Variants in SMAD6 observed in about 807,000 individuals in gnomAD.
SMAD6 encodes MAD homolog 6.
Under a neutral mutation model 39.4 loss-of-function variants are expected in SMAD6, and 103 were observed. The observed-to-expected ratio is 2.62, with a 90% CI of 2.23 to 3.08. The LOEUF (loss-of-function observed/expected upper bound fraction) is 3.08, where lower values mean the gene tolerates loss of function less well. SMAD6 is among the 30% of genes most tolerant of loss of function. The pLI, the probability that SMAD6 is intolerant of heterozygous loss-of-function variation, is 0.00. For missense variants in SMAD6, 1,104 were observed against 742.9 expected, an observed-to-expected ratio of 1.49 and a Z score of -5.65; for synonymous variants, 445 against 353.3, an observed-to-expected ratio of 1.26 and a Z score of -2.91.
chr15:66,746,344 G>GTGGGACGTGTGGGC (rs2140641915), intron 3 of SMAD6, among the ~76,000 whole-genome samples: 1 of 152,306 alleles, frequency 6.6e-6, no homozygotes, highest in African/African-American at 2.4e-5. Flanking sequence ...TGTGGGGCAT[G>GTGGGACGTGTGGGC]TGGGACGTGT....
At chr15:66,744,060 G>T (rs2140639684) in intron 3 of SMAD6, among the ~76,000 whole-genome samples, 1 of 152,204 alleles carries the variant, frequency 6.6e-6, no homozygotes, top group Admixed American at 6.5e-5. Flanking sequence ...AAGTGGGATT[G>T]CCAGGTCAAA....
chr15:66,776,056 A>C (rs1363188820), intron 3 of SMAD6, among the ~76,000 whole-genome samples: 1 of 152,218 alleles, frequency 6.6e-6, no homozygotes, highest in African/African-American at 2.4e-5. Flanking sequence ...TGTGTGAGAG[A>C]ATGGAGCTAA....
chr15:66,723,495 T>A (rs1427767495), intron 3 of SMAD6, among the ~76,000 whole-genome samples: 3 of 152,022 alleles, frequency 2.0e-5, no homozygotes, highest in Non-Finnish European at 4.4e-5. Context: ...GGGGGCAACA[T>A]AGCAAGACCC....
intron 1 of SMAD6, among the ~76,000 whole-genome samples, chr15:66,709,820 A>T (rs1432352087): frequency 3.9e-5 from 6 of 152,150 alleles, no homozygotes; most frequent in African/African-American, 1.4e-4. Context: ...TTTCCTGTGG[A>T]ACTCCAGCCC....
intron 3 of SMAD6, among the ~76,000 whole-genome samples, chr15:66,738,652 C>T (rs1893757037): frequency 6.6e-6 from 1 of 152,156 alleles, no homozygotes; most frequent in Non-Finnish European, 1.5e-5. Flanking sequence ...ACCCAGGCTT[C>T]CAAATGTCTA....
In SMAD6 at chr15:66,752,003, T is replaced by C. The variant is rs148838690; in HGVS notation, c.953-28994T>C. 2.4e-3 allele frequency among the ~76,000 whole-genome samples: 359 copies of C among 151,508 alleles called. 3 individuals carry two copies. Among genetic ancestry groups the C allele is most frequent in the African/African-American group, 8.1e-3 (336 of 41,266 alleles). ...GTAAGGTATGTTTTATTATAGTTGC[T>C]TATAAACATAATAAAACCCCCTTCA... On this transcript the variant is annotated intron_variant, in intron 3 of 3. Coordinates refer to ENST00000288840, the MANE Select transcript of SMAD6 (RefSeq NM_005585.5).
At chr15:66,778,085 C>CTT (rs11462070) in intron 3 of SMAD6, among the ~76,000 whole-genome samples, 111 of 139,520 alleles carry the variant, frequency 8.0e-4, no homozygotes, top group East Asian at 1.5e-3. Context: ...TTTTCTTTTC[C>CTT]TTTTTTTTTT....
At chr15:66,768,378 G>A (rs1198474004) in intron 3 of SMAD6, among the ~76,000 whole-genome samples, 3 of 152,118 alleles carry the variant, frequency 2.0e-5, no homozygotes, top group East Asian at 3.8e-4. Context: ...TGAAGCTTAC[G>A]TTTGAGAGCT....
At chr15:66,733,364 A>C (rs1221475917) in intron 3 of SMAD6, among the ~76,000 whole-genome samples, 1 of 152,194 alleles carries the variant, frequency 6.6e-6, no homozygotes, top group Non-Finnish European at 1.5e-5. Flanking sequence ...ATTGCATTGA[A>C]TCTGTTGATG....
intron 1 of SMAD6, chr15:66,706,256 C>T (rs1050497957): frequency 6.6e-6 from 1 of 152,160 alleles, no homozygotes; most frequent in Non-Finnish European, 1.5e-5. Context: ...GGGGGTGGCT[C>T]TAGGAATATT....
At chr15:66,738,141 T>C (rs372368406) in intron 3 of SMAD6, among the ~76,000 whole-genome samples, 1 of 152,348 alleles carries the variant, frequency 6.6e-6, no homozygotes, top group East Asian at 1.9e-4. Flanking sequence ...TATTTTATCC[T>C]GTGGAAAATG....
Position 66,781,062 on chromosome 15 carries a change from C to T in SMAD6, c.1018C>T (p.Arg340Trp). The change falls in exon 4 of 4, where the codon CGG (arginine) becomes TGG (tryptophan). Residue 340 changes from arginine to tryptophan, a missense_variant. Physicochemically the swap from Arg to Trp is moderately radical, Grantham distance 101 (BLOSUM62 -3). Transcript: ENST00000288840. The stretch of plus-strand genomic sequence containing the variant: ...GTGCAGCGTGGCGTACTGGGAGCAC[C>T]GGACGCGCGTGGGCCGCCTCTATGC... Reference protein sequence around the residue: ...HWCSVAYWEHRTRVGRLYAVY... With the variant: ...HWCSVAYWEHWTRVGRLYAVY... 6.2e-7 allele frequency: 1 copy of T among 1,603,518 alleles called. No homozygotes were observed. Among genetic ancestry groups the T allele is most frequent in the Non-Finnish European group, 8.5e-7 (1 of 1,178,374 alleles).
chr15:66,779,279 A>T (rs1247015283), intron 3 of SMAD6, among the ~76,000 whole-genome samples: 1 of 152,170 alleles, frequency 6.6e-6, no homozygotes, highest in Non-Finnish European at 1.5e-5. Flanking sequence ...CGAGGGCAGG[A>T]TGCAGGACCT....
chr15:66,779,854 G>C (rs1321020335), intron 3 of SMAD6, among the ~76,000 whole-genome samples: 1 of 152,336 alleles, frequency 6.6e-6, no homozygotes, highest in East Asian at 1.9e-4. Flanking sequence ...ACCTCACTGG[G>C]CAGTTATAGG....
intron 3 of SMAD6, among the ~76,000 whole-genome samples, chr15:66,743,644 A>G (rs1249827850): frequency 1.3e-5 from 2 of 152,094 alleles, no homozygotes; most frequent in Non-Finnish European, 2.9e-5. Context: ...GCACAAAGGA[A>G]AAACAAATTA....
chr15:66,765,937 T>G (rs1430933833), intron 3 of SMAD6, among the ~76,000 whole-genome samples: 1 of 152,160 alleles, frequency 6.6e-6, no homozygotes, highest in East Asian at 1.9e-4. Context: ...TGGCCAGGAA[T>G]GCAACCTGCG....
Position 66,719,822 on chromosome 15 carries a change from A to G in SMAD6, c.952+3324A>G, listed in dbSNP as rs866494951. Among the ~76,000 whole-genome samples, 6 of 152,108 alleles carry G rather than the reference A, an allele frequency of 3.9e-5. 1 individual carries two copies. The Middle Eastern group carries it at 0.01, about 259-fold the overall frequency. On this transcript the variant is annotated intron_variant, in intron 3 of 3. Transcript: ENST00000288840. ...GCCGAGTAGTTGTTGGAAAACCTTC[A>G]TTTGATCTCTACATCAGCTCCCAAT...
chr15:66,729,302 G>A (rs1893581103), intron 3 of SMAD6, among the ~76,000 whole-genome samples: 1 of 152,192 alleles, frequency 6.6e-6, no homozygotes, highest in South Asian at 2.1e-4. Context: ...CTTTCCTAAG[G>A]CCCTGGGCAG....
At chr15:66,754,891 G>A (rs1356736873) in intron 3 of SMAD6, among the ~76,000 whole-genome samples, 1 of 152,088 alleles carries the variant, frequency 6.6e-6, no homozygotes, top group African/African-American at 2.4e-5. Context: ...TGTGGGCTGG[G>A]GGTGCTAATG....
Sources: gnomAD v4.1 joint callset for allele counts (sites outside exome capture counted in the v4.1 genomes callset) on GRCh38, gnomAD v4.1.1 for gene constraint, MANE v1.5 for transcripts, NCBI Gene and HGNC (gene_info 2026-07-23, HGNC 2026-07-21) for gene names.